DCAF1: variants seen among roughly 807,000 people sequenced by gnomAD.
DCAF1 encodes the protein DDB1- and CUL4-associated factor 1.
Under a neutral mutation model 128.0 loss-of-function variants are expected in DCAF1, and 15 were observed. The ratio of observed to expected loss-of-function variants is 0.12; its 90% CI spans 0.08 to 0.18. The LOEUF (loss-of-function observed/expected upper bound fraction) is 0.18, where lower values mean the gene tolerates loss of function less well. DCAF1 is among the 10% of genes least tolerant of loss of function. The pLI, the probability that DCAF1 is intolerant of heterozygous loss-of-function variation, is 1.00. For synonymous variants in DCAF1, 610 were observed against 603.0 expected (o/e 1.01, Z -0.17); for missense variants, 988 against 1,649.5 (o/e 0.60, Z 6.95).
intron 15 of DCAF1, 125 bp from the exon 16 acceptor site, chr3:51,419,001 T>G: frequency 7.3e-7 from 1 of 1,363,040 alleles, no homozygotes. Flanking sequence ...AAAATCACAG[T>G]GACCTTCAGT....
chr3:51,451,878 T>C (rs1702392108), intron 6 of DCAF1, among the ~76,000 whole-genome samples: 1 of 152,012 alleles, frequency 6.6e-6, no homozygotes. Context: ...ACCAGCATTT[T>C]AAAAAAGAAA....
chr3:51,464,756 C>T (rs1479164385), intron 5 of DCAF1, among the ~76,000 whole-genome samples: 1 of 151,536 alleles, frequency 6.6e-6, no homozygotes, highest in Non-Finnish European at 1.5e-5. Context: ...AAAGGATTAC[C>T]GAAGCCCCTA....
intron 9 of DCAF1, among the ~76,000 whole-genome samples, chr3:51,433,522 T>C (rs1185137780): frequency 1.3e-5 from 2 of 151,806 alleles, no homozygotes; most frequent in East Asian, 4.0e-4. Context: ...AGTGCAATGG[T>C]GCAGTCTTGG....
At chr3:51,479,979 A>C (rs1240962991) in intron 3 of DCAF1, among the ~76,000 whole-genome samples, 1 of 151,902 alleles carries the variant, frequency 6.6e-6, no homozygotes, top group Admixed American at 6.6e-5. Flanking sequence ...GAGGAGTCTG[A>C]AAACAGCCTG....
At chr3:51,403,569 G>A (rs1393322708) in intron 23 of DCAF1, among the ~76,000 whole-genome samples, 174 bp from the exon 24 acceptor site, 2 of 152,184 alleles carry the variant, frequency 1.3e-5, no homozygotes, top group Admixed American at 6.5e-5. Context: ...GCTGAGATAG[G>A]CACACATGTC....
intron 6 of DCAF1, among the ~76,000 whole-genome samples, chr3:51,452,772 G>A (rs924236279): frequency 1.3e-5 from 2 of 152,116 alleles, no homozygotes; most frequent in Non-Finnish European, 2.9e-5. Context: ...AGCACTTTGG[G>A]AGGCTGAGGT....
chr3:51,430,563 G>A (rs566502851), intron 10 of DCAF1, among the ~76,000 whole-genome samples: 2 of 152,196 alleles, frequency 1.3e-5, no homozygotes, highest in African/African-American at 4.8e-5. Context: ...TGTGATAAAA[G>A]TGGCTCAGAT....
At chr3:51,445,095 T>C (rs528932877) in intron 6 of DCAF1, among the ~76,000 whole-genome samples, 6 of 152,262 alleles carry the variant, frequency 3.9e-5, no homozygotes, top group African/African-American at 1.4e-4. Context: ...AAACCTTCTG[T>C]AGGCCAAGAT....
Position 51,420,262 on chromosome 3 carries a change from G to C in DCAF1, c.2708C>G (p.Pro903Arg). The C allele has an allele frequency of 6.2e-7, 1 of 1,614,054 alleles. No homozygotes were observed. Among genetic ancestry groups the C allele is most frequent in the Non-Finnish European group, 8.5e-7 (1 of 1,179,904 alleles). Residue 903 changes from proline (P) to arginine (R), a missense_variant, in exon 15 of 25, where the codon CCT becomes CGT. Physicochemically the swap from Pro to Arg is moderately radical, Grantham distance 103. Coordinates refer to ENST00000684031, the MANE Select transcript of DCAF1 (RefSeq NM_001387579.1). This position sits in a 1 kb window ranked among gnomAD's most constrained non-coding sequence, Gnocchi z 6.5. ...AGTTGCAATGCCATTAGCGATACGA[G>C]GGGTTCGGGGTAGAGAGACAGGAGA... The part of the protein sequence containing the change: ...AASPVSLPRT[P>R]RIANGIATRL...
intron 9 of DCAF1, among the ~76,000 whole-genome samples, chr3:51,439,700 A>C (rs561883657): frequency 6.6e-6 from 1 of 151,894 alleles, no homozygotes; most frequent in African/African-American, 2.4e-5. Context: ...AGTTTAAAAA[A>C]TTTTTTTGTG....
At chr3:51,404,556 G>GTAGC (rs2089973390) in intron 23 of DCAF1, among the ~76,000 whole-genome samples, 1 of 152,178 alleles carries the variant, frequency 6.6e-6, no homozygotes, top group African/African-American at 2.4e-5. Context: ...ATTCAGCAGG[G>GTAGC]TAGCTCCGCT....
At chr3:51,431,608 G>A (rs1700388642) in intron 10 of DCAF1, among the ~76,000 whole-genome samples, 1 of 151,794 alleles carries the variant, frequency 6.6e-6, no homozygotes, top group African/African-American at 2.4e-5. Flanking sequence ...GCAGCCCTAG[G>A]AACAGTTGGG....
intron 16 of DCAF1, among the ~76,000 whole-genome samples, chr3:51,418,416 A>C (rs1162840540): frequency 1.4e-4 from 21 of 152,350 alleles, no homozygotes; most frequent in South Asian, 4.1e-4. Context: ...GAGAATATTA[A>C]ATCCTACTGA....
intron 3 of DCAF1, among the ~76,000 whole-genome samples, chr3:51,480,044 C>G (rs1169807614): frequency 6.7e-6 from 1 of 148,534 alleles, no homozygotes; most frequent in Non-Finnish European, 1.5e-5. Flanking sequence ...AAAAATTTAG[C>G]AGTGAGCTAT....
intron 9 of DCAF1, chr3:51,440,256 C>A: frequency 2.3e-6 from 1 of 428,286 alleles, no homozygotes; most frequent in Middle Eastern, 3.5e-4. Context: ...ATAGAAATAA[C>A]TTGAGCAATA....
Position 51,398,194 on chromosome 3 carries a change from T to C in DCAF1, c.*575A>G, listed in dbSNP as rs2089349328. The C allele has an allele frequency of 6.6e-6, 1 of 151,992 alleles. No individual in the cohort carries two copies. The allele number at this position is 151,992 out of a possible 1,614,324, so 9.4% of individuals were successfully genotyped here. A position where few individuals can be genotyped will look rare whatever the true frequency, so the allele number is the denominator to read the frequency against. ...CAAAACAGGTTAAAAAATCATATAT[T>C]ATATTTATAATAAAATATTCTTAAT... On this transcript the variant is annotated 3_prime_UTR_variant, in exon 25 of 25. Transcript: ENST00000684031.
intron 10 of DCAF1, among the ~76,000 whole-genome samples, chr3:51,432,176 CAGA>C (rs1700448415): frequency 6.9e-6 from 1 of 144,760 alleles, no homozygotes; most frequent in South Asian, 2.2e-4. Context: ...GAGGCTGAGG[CAGA>C]AGAATTGCTT....
In DCAF1 at chr3:51,441,537, G is replaced by A. The variant is rs927783785; in HGVS notation, c.874C>T (p.Pro292Ser). ...KQKLGFSSSD[P>S]DRMFVELSNS... ...GACAGCTCAACAAACATGCGATCTGGATCAGAAGATGAGAAACCCAACTTT... is the reference window on the plus strand; with the variant it reads ...GACAGCTCAACAAACATGCGATCTGAATCAGAAGATGAGAAACCCAACTTT... The change falls in exon 8 of 25, where the codon CCA (proline) becomes TCA (serine). Residue 292 changes from proline (P) to serine (S), a missense_variant. Coordinates refer to ENST00000684031, the MANE Select transcript of DCAF1 (RefSeq NM_001387579.1). 2 of 1,613,962 alleles carry A rather than the reference G, an allele frequency of 1.2e-6. No homozygotes were observed. The highest frequency in any genetic ancestry group is 1.7e-6 in the Non-Finnish European group (2 of 1,179,884).
chr3:51,489,741 T>G (rs1707397577), intron 2 of DCAF1, among the ~76,000 whole-genome samples: 1 of 150,142 alleles, frequency 6.7e-6, no homozygotes, highest in Non-Finnish European at 1.5e-5. Context: ...GAGCCAAGAT[T>G]GCACCAGTGC....
Sources: gnomAD v4.1 joint callset for allele counts (sites outside exome capture counted in the v4.1 genomes callset) on GRCh38, gnomAD v4.1.1 for gene constraint, Gnocchi (gnomAD v3.1) non-coding constraint, MANE v1.5 for transcripts, NCBI Gene and HGNC (gene_info 2026-07-23, HGNC 2026-07-21) for gene names.